RYR1: variants seen among roughly 807,000 people sequenced by gnomAD.
RYR1 encodes ryanodine receptor 1.
Under a neutral mutation model 583.5 loss-of-function variants are expected in RYR1, and 342 were observed. The ratio of observed to expected loss-of-function variants is 0.59; its 90% confidence interval spans 0.54 to 0.64. The LOEUF (loss-of-function observed/expected upper bound fraction) is 0.64, where lower values mean the gene tolerates loss of function less well. Ranked by LOEUF, RYR1 falls within the 30% of genes least tolerant of loss-of-function variation. The pLI is 0.00. For missense variants in RYR1, 6,032 were observed against 6,917.2 expected, an observed-to-expected ratio of 0.87 and a Z score of 4.54; for synonymous variants, 2,791 against 2,822.5, an observed-to-expected ratio of 0.99 and a Z score of 0.35.
intron 89 of RYR1, among the ~76,000 whole-genome samples, chr19:38,559,181 G>A (rs1395885994): frequency 6.6e-6 from 1 of 151,222 alleles, no homozygotes; most frequent in Non-Finnish European, 1.5e-5. Context: ...AAGTCTAGGA[G>A]TGAATGGAGG....
At chr19:38,474,244 A>G (rs1968592605) in intron 28 of RYR1, among the ~76,000 whole-genome samples, 2 of 152,050 alleles carry the variant, frequency 1.3e-5, no homozygotes, top group Admixed American at 6.6e-5. Context: ...TTTCCCTACA[A>G]TGGCAGTGGT....
chr19:38,563,203 C>T (rs1973233453), intron 90 of RYR1, among the ~76,000 whole-genome samples: 2 of 152,254 alleles, frequency 1.3e-5, no homozygotes, highest in African/African-American at 4.8e-5. Context: ...GCTTCTCAGG[C>T]ATCCACGTAT....
chr19:38,585,173 C>G, intron 102 of RYR1, 74 bp downstream of exon 102: 3 of 1,550,684 alleles, frequency 1.9e-6, no homozygotes, highest in Non-Finnish European at 2.6e-6. Flanking sequence ...GCCCAGGATC[C>G]AGTCGGCCTG....
In RYR1 at chr19:38,515,021, C is replaced by A; in HGVS notation, c.9473-5C>A. ...TGCCGCAGCCTCGCCCCCTGTCTCC[C>A]TCAGTGGACGACGTCCAGGTCTCTT... On this transcript the variant is annotated splice_polypyrimidine_tract_variant and splice_region_variant and intron_variant, in intron 63 of 105. Transcript: ENST00000359596. 1 of 1,610,920 alleles carries A rather than the reference C, an allele frequency of 6.2e-7. No homozygotes were observed. The highest frequency in any genetic ancestry group is 1.1e-5 in the South Asian group (1 of 90,928).
Position 38,448,804 on chromosome 19 carries a change from C to T in RYR1, c.1113C>T (p.Leu371=), listed in dbSNP as rs781532906. The change falls in exon 11 of 106, where the codon CTC becomes CTT. Residue 371 remains leucine, a synonymous_variant. Transcript: ENST00000359596. ...PDPKALRLGV[L]KKKAMLHQEG... ...CCAAGGCCCTGCGGCTCGGCGTGCT[C>T]AAGAAGAAGGTGGGTGTAATCCCAG... is the stretch of plus-strand genomic sequence containing the variant. 3.1e-6 allele frequency: 5 copies of T among 1,613,616 alleles called. No individual in the cohort carries two copies. The highest frequency in any genetic ancestry group is 1.1e-5 in the South Asian group (1 of 91,062).
Position 38,517,703 on chromosome 19 carries a change from G to A in RYR1, c.10018+12G>A, listed in dbSNP as rs914154632. The A allele has an allele frequency of 1.9e-6, 3 of 1,613,754 alleles. No individual in the cohort carries two copies. The South Asian group carries it at 3.3e-5, about 18-fold the overall frequency. On this transcript the variant is annotated intron_variant, in intron 66 of 105. Transcript: ENST00000359596. ...GAAGCGGCTGGCTGGTGGGTCGGGG[G>A]GCACTGGGCCTCTGAGGGGTGGGTC... is the stretch of plus-strand genomic sequence containing the variant.
At position 38,458,144 on chromosome 19, in the gene RYR1, T is replaced by C; in HGVS notation, c.2019T>C (p.Phe673=). The change falls in exon 18 of 106, where the codon TTT becomes TTC. Residue 673 remains phenylalanine (F), a synonymous_variant. Coordinates refer to ENST00000359596, the MANE Select transcript of RYR1 (RefSeq NM_000540.3). ...FEVMVDEVTP[F]LTAQATHLRV... ...TGATGGTGGACGAGGTGACTCCATT[T>C]CTGACAGCTCAGGCCACCCACTTGC... is the stretch of plus-strand genomic sequence containing the variant. 6.2e-7 allele frequency: 1 copy of C among 1,613,984 alleles called. No individual in the cohort carries two copies.
In RYR1 at chr19:38,486,007, C is replaced by T. The variant is rs373382967; in HGVS notation, c.5352C>T (p.Ala1784=). 1.1e-5 allele frequency: 18 copies of T among 1,613,394 alleles called. No individual in the cohort carries two copies. Among genetic ancestry groups the T allele is most frequent in the East Asian group, 2.2e-5 (1 of 44,890 alleles). The change falls in exon 34 of 106, where the codon GCC becomes GCT. Residue 1784 remains alanine, a synonymous_variant. Transcript: ENST00000359596. The stretch of plus-strand genomic sequence containing the variant: ...ATTTCTCGCCCCCCTGTTTCGTGGC[C>T]GCTCTGCCAGCTGCTGGGGCAGCAG... ...PHHFSPPCFV[A]ALPAAGAAEA...
chr19:38,460,399 C>A lies in RYR1; in HGVS notation c.2385C>A (p.Arg795=). ...GVKVRFLLGG[R]HGEFKFLPPP... is the part of the protein sequence containing the mutation. ...GGGTGCGGTTCCTCCTTGGTGGCCG[C>A]CATGGTGAATTCAAGTTCCTGCCCC... Residue 795 remains arginine, a synonymous_variant, in exon 20 of 106, where the codon CGC becomes CGA. Coordinates refer to ENST00000359596, the MANE Select transcript of RYR1 (RefSeq NM_000540.3). The A allele has an allele frequency of 6.2e-7, 1 of 1,614,154 alleles. No homozygotes were observed. Among genetic ancestry groups the A allele is most frequent in the Non-Finnish European group, 8.5e-7 (1 of 1,180,024 alleles).
rs749274175 is a variant in RYR1 at position 38,492,570 on chromosome 19, G to T, written c.6208G>T (p.Val2070Leu). Reference protein sequence around the residue: ...GSRLMSLLEKVRLVKKKEEKP... With the variant: ...GSRLMSLLEKLRLVKKKEEKP... ...CCGCCTCATGAGCCTGTTGGAGAAA[G>T]TGCGGCTGGTGAAGAAGAAGGAAGA... The change falls in exon 38 of 106, where the codon GTG becomes TTG. Residue 2070 changes from valine to leucine, a missense_variant. Around this residue, in one of 11 missense-constraint regions of RYR1, gnomAD observed 2,627 missense variants for 2,961.3 expected, o/e 0.89. Transcript: ENST00000359596. 3.1e-6 allele frequency: 5 copies of T among 1,614,070 alleles called. No individual in the cohort carries two copies. Among genetic ancestry groups the T allele is most frequent in the Non-Finnish European group, 4.2e-6 (5 of 1,179,984 alleles).
intron 24 of RYR1, 124 bp downstream of exon 24, chr19:38,466,522 T>TTTTA: frequency 1.2e-6 from 1 of 862,158 alleles, no homozygotes; most frequent in African/African-American, 1.7e-5. Flanking sequence ...TTTTTTTTTT[T>TTTTA]GAGACGGAGT....
In RYR1 at chr19:38,512,346, T is replaced by A; in HGVS notation, c.9335T>A (p.Leu3112Gln). ...GAGAAGATGGTGGAGAACCTGCGGCTGGGCAAGGTGTCGCAGGCGCGCACC... is the reference window on the plus strand; with the variant it reads ...GAGAAGATGGTGGAGAACCTGCGGCAGGGCAAGGTGTCGCAGGCGCGCACC... The part of the protein sequence containing the change: ...DIEKMVENLR[L>Q]GKVSQARTQV... Residue 3112 changes from leucine (L) to glutamine (Q), a missense_variant, in exon 63 of 106, where the codon CTG becomes CAG. By Grantham distance (113) the Leu-to-Gln change is moderately radical. This residue lies in a region of RYR1 where 1,493 missense variants were observed against 1,715.5 expected (regional missense o/e 0.87). Transcript: ENST00000359596. This position sits in a 1 kb window ranked among gnomAD's most constrained non-coding sequence, Gnocchi z 5.1. 1 of 1,614,180 alleles carries A rather than the reference T, an allele frequency of 6.2e-7. No homozygotes were observed. The highest frequency in any genetic ancestry group is 8.5e-7 in the Non-Finnish European group (1 of 1,180,046).
intron 93 of RYR1, among the ~76,000 whole-genome samples, chr19:38,570,114 T>C (rs1973645672): frequency 6.6e-6 from 1 of 152,124 alleles, no homozygotes. Context: ...TGAGCCGAGA[T>C]GGCGCCACTG....
At chr19:38,497,007 C>G (rs1969864937) in intron 42 of RYR1, 53 bp downstream of exon 42, 3 of 1,505,354 alleles carry the variant, frequency 2.0e-6, no homozygotes, top group African/African-American at 1.4e-5. Flanking sequence ...CGGGCCGCTA[C>G]CCGGCTGCTT....
rs1265960627 is a variant in RYR1, at chr19:38,515,120, A to G, written c.9554+13A>G. ...CTTATGTGGAAAAGTAAGGAGAGGG[A>G]GCCATCGTTTGGGGCTGGGTGGGGC... On this transcript the variant is annotated intron_variant, in intron 64 of 105. Coordinates refer to ENST00000359596, the MANE Select transcript of RYR1 (RefSeq NM_000540.3). 1 of 1,547,470 alleles carries G rather than the reference A, an allele frequency of 6.5e-7. No homozygotes were observed. The highest frequency in any genetic ancestry group is 1.1e-5 in the South Asian group (1 of 89,658).
rs1203921032 is a variant in RYR1, at chr19:38,537,877, T to C, written c.11609-3T>C. The C allele has an allele frequency of 6.2e-7, 1 of 1,613,640 alleles. No homozygotes were observed. The highest frequency in any genetic ancestry group is 1.7e-5 in the Admixed American group (1 of 59,990). On this transcript the variant is annotated splice_polypyrimidine_tract_variant and splice_region_variant and intron_variant, in intron 83 of 105. Transcript: ENST00000359596. ...TGGGCCCTGTCCCCTCCCTTCCACCTAGGAGAGAAGGTCATGGCGGATGAT... is the reference window on the plus strand; with the variant it reads ...TGGGCCCTGTCCCCTCCCTTCCACCCAGGAGAGAAGGTCATGGCGGATGAT...
Position 38,473,487 on chromosome 19 carries a change from C to G in RYR1, c.3876C>G (p.Leu1292=). The G allele has an allele frequency of 6.2e-7, 1 of 1,613,810 alleles. No individual in the cohort carries two copies. Among genetic ancestry groups the G allele is most frequent in the Non-Finnish European group, 8.5e-7 (1 of 1,179,918 alleles). The change falls in exon 28 of 106, where the codon CTC becomes CTG. Residue 1292 remains leucine, a synonymous_variant. Coordinates refer to ENST00000359596, the MANE Select transcript of RYR1 (RefSeq NM_000540.3). ...LVEMLFLRLS[L]PVQFHQHFRC... ...AGATGCTTTTCCTGCGGCTGAGCCTCCCAGTCCAGTTCCACCAGCACTTCC... is the reference window on the plus strand; with the variant it reads ...AGATGCTTTTCCTGCGGCTGAGCCTGCCAGTCCAGTTCCACCAGCACTTCC...
At position 38,453,005 on chromosome 19, in the gene RYR1, C is replaced by T. The variant is rs1204983982; in HGVS notation, c.1431C>T (p.Phe477=). ...GCCTGCGCAACCGCCAGAGCCTCTT[C>T]CAGGAGGAGGTGAGGACGTGGCGAG... is the stretch of plus-strand genomic sequence containing the variant. ...LRSLRNRQSL[F]QEEGMLSMVL... The change falls in exon 13 of 106, where the codon TTC becomes TTT. Residue 477 remains phenylalanine, a synonymous_variant. Transcript: ENST00000359596. 4 of 1,613,766 alleles carry T rather than the reference C, an allele frequency of 2.5e-6. No homozygotes were observed. Among genetic ancestry groups the T allele is most frequent in the Non-Finnish European group, 3.4e-6 (4 of 1,179,762 alleles).
chr19:38,507,696 C>T lies in RYR1; in HGVS notation c.8817-16C>T, dbSNP rs759554903. 1 of 1,533,312 alleles carries T rather than the reference C, an allele frequency of 6.5e-7. No homozygotes were observed. Among genetic ancestry groups the T allele is most frequent in the South Asian group, 1.1e-5 (1 of 89,294 alleles). 95.0% of individuals were successfully genotyped at this position (1,533,312 alleles called of 1,614,324 possible). ...CCGGCGTCTGGGCTGATCCTTCTCTCCACATCTCCATGCAGAGGCCTTAAG... is the reference window on the plus strand; with the variant it reads ...CCGGCGTCTGGGCTGATCCTTCTCTTCACATCTCCATGCAGAGGCCTTAAG... On this transcript the variant is annotated splice_polypyrimidine_tract_variant and intron_variant, in intron 57 of 105. Coordinates refer to ENST00000359596, the MANE Select transcript of RYR1 (RefSeq NM_000540.3).
Sources: gnomAD v4.1 joint callset for allele counts (sites outside exome capture counted in the v4.1 genomes callset) on GRCh38, gnomAD v4.1.1 for gene constraint, gnomAD v4.1.1 regional missense constraint, Gnocchi (gnomAD v3.1) non-coding constraint, MANE v1.5 for transcripts, NCBI Gene and HGNC (gene_info 2026-07-23, HGNC 2026-07-21) for gene names.